ACOX3: variants seen among roughly 807,000 people sequenced by gnomAD.
ACOX3 encodes the protein peroxisomal acyl-coenzyme A oxidase 3.
Under a neutral mutation model 81.5 loss-of-function variants are expected in ACOX3, and 73 were observed. The ratio of observed to expected loss-of-function variants is 0.90; its 90% CI spans 0.74 to 1.09. The LOEUF is 1.09. ACOX3 is among the 50% of genes least tolerant of loss of function. The pLI is 0.00. For synonymous variants in ACOX3, 387 were observed against 375.1 expected (o/e 1.03, Z -0.37); for missense variants, 947 against 928.0 (o/e 1.02, Z -0.27).
intron 5 of ACOX3, among the ~76,000 whole-genome samples, chr4:8,412,798 C>T (rs1454082800): frequency 2.0e-5 from 3 of 151,980 alleles, no homozygotes; most frequent in Non-Finnish European, 2.9e-5. Context: ...AGGACCCTCC[C>T]CATCCTCCCT....
chr4:8,377,857 T>A (rs1188082607), intron 14 of ACOX3, among the ~76,000 whole-genome samples: 3 of 152,020 alleles, frequency 2.0e-5, no homozygotes, highest in African/African-American at 7.2e-5. Context: ...GGACAAAGTG[T>A]CCCCACAGCT....
chr4:8,372,963 C>T lies in ACOX3; in HGVS notation c.1896+598G>A, dbSNP rs375232405. 1.1e-4 allele frequency among the ~76,000 whole-genome samples: 16 copies of T among 152,322 alleles called. No individual in the cohort carries two copies. The East Asian group carries it at 2.9e-3, about 28-fold the overall frequency. On this transcript the variant is annotated intron_variant, in intron 16 of 17. Transcript: ENST00000356406. ...ACACAGCCGCCTTCCCCCAACCCAG[C>T]GGCTGCCGTGCTAAACAGCACAGCA...
At chr4:8,434,339 A>T (rs1159316371) in intron 1 of ACOX3, among the ~76,000 whole-genome samples, 2 of 152,142 alleles carry the variant, frequency 1.3e-5, no homozygotes, top group Non-Finnish European at 2.9e-5. Context: ...TTCTTCTTTA[A>T]TCCGGTGTCT....
At chr4:8,375,891 C>T (rs1298129502) in intron 14 of ACOX3, among the ~76,000 whole-genome samples, 1 of 152,194 alleles carries the variant, frequency 6.6e-6, no homozygotes, top group Non-Finnish European at 1.5e-5. Context: ...TCTATGTACC[C>T]CATTTTCTTT....
chr4:8,386,325 G>C lies in ACOX3; in HGVS notation c.1537+2848C>G, dbSNP rs1165548506. Reference sequence around the variant, plus strand: ...CTCATGCCTGTGATCCCAGCACTTCGGGAGGCCAAGGTGGGCGGATCACGA... The same window carrying C: ...CTCATGCCTGTGATCCCAGCACTTCCGGAGGCCAAGGTGGGCGGATCACGA... On this transcript the variant is annotated intron_variant, in intron 13 of 17. Coordinates refer to ENST00000356406, the MANE Select transcript of ACOX3 (RefSeq NM_003501.3). This position sits in a 1 kb window ranked among gnomAD's most constrained non-coding sequence, Gnocchi z 5.2. Among the ~76,000 whole-genome samples, 2 of 152,084 alleles carry C rather than the reference G, an allele frequency of 1.3e-5. No individual in the cohort carries two copies. The highest frequency in any genetic ancestry group is 2.4e-5 in the African/African-American group (1 of 41,410).
At position 8,381,520 on chromosome 4, in the gene ACOX3, C is replaced by G; in HGVS notation, c.1625G>C (p.Ser542Thr). The change falls in exon 14 of 18, where the codon AGT becomes ACT. Residue 542 changes from serine (S) to threonine (T), a missense_variant. Ser to Thr is a moderately conservative substitution (Grantham distance 58). Coordinates refer to ENST00000356406, the MANE Select transcript of ACOX3 (RefSeq NM_003501.3). This position sits in a 1 kb window ranked among gnomAD's most constrained non-coding sequence, Gnocchi z 4.3. ...KLNQEKRSGS[S>T]DFEARNKCQV... ...GCATTTGTTCCTTGCTTCAAAGTCA[C>G]TGCTTCCTGATCTTTTCTCTTGGTT... 1 of 1,613,984 alleles carries G rather than the reference C, an allele frequency of 6.2e-7. No individual in the cohort carries two copies. Among genetic ancestry groups the G allele is most frequent in the South Asian group, 1.1e-5 (1 of 91,042 alleles).
the ACOX3 span, chr4:8,358,197 C>T: frequency 6.6e-6 from 1 of 152,206 alleles, no homozygotes; most frequent in Non-Finnish European, 1.5e-5. Context: ...AGCTGTCTCT[C>T]ATGGGGGAAA....
chr4:8,422,336 T>C (rs1231431233), intron 1 of ACOX3, among the ~76,000 whole-genome samples: 5 of 152,212 alleles, frequency 3.3e-5, no homozygotes, highest in Admixed American at 1.3e-4. Context: ...TAATTGATAA[T>C]TGAAGGTCTT....
rs1487144265 is a variant in ACOX3, at chr4:8,400,355, CTG to C, written c.777-705_777-704del. Among the ~76,000 whole-genome samples the C allele has an allele frequency of 1.3e-5, 2 of 152,246 alleles. No homozygotes were observed. The highest frequency in any genetic ancestry group is 2.4e-5 in the African/African-American group (1 of 41,546). On this transcript the variant is annotated intron_variant, in intron 7 of 17. Transcript: ENST00000356406. This position sits in a 1 kb window ranked among gnomAD's most constrained non-coding sequence, Gnocchi z 4.4. ...AGATATTCAACAGAAAAGACGGGAACTGTGTTTCCAAAGATTGGAATCTCTGA... is the reference window on the plus strand; with the variant it reads ...AGATATTCAACAGAAAAGACGGGAACTGTTTCCAAAGATTGGAATCTCTGA...
At chr4:8,375,215 G>A in intron 14 of ACOX3, 63 bp from the exon 15 acceptor site, 3 of 1,452,386 alleles carry the variant, frequency 2.1e-6, no homozygotes, top group East Asian at 2.5e-5. Context: ...ATTCCCGGGG[G>A]AGGAAGTTCT....
Position 8,423,795 on chromosome 4 carries a change from G to C in ACOX3, c.-14-7260C>G, listed in dbSNP as rs1207067596. 1.3e-5 allele frequency among the ~76,000 whole-genome samples: 2 copies of C among 152,186 alleles called. No individual in the cohort carries two copies. The highest frequency in any genetic ancestry group is 4.8e-5 in the African/African-American group (2 of 41,440). ...TCTTGCTTGCCTTTGAAGATCCTTT[G>C]AATCTAATGTCTCAACACACCTGGA... On this transcript the variant is annotated intron_variant, in intron 1 of 17. Coordinates refer to ENST00000356406, the MANE Select transcript of ACOX3 (RefSeq NM_003501.3). This position sits in a 1 kb window ranked among gnomAD's most constrained non-coding sequence, Gnocchi z 4.2.
Sources: gnomAD v4.1 joint callset for allele counts (sites outside exome capture counted in the v4.1 genomes callset) on GRCh38, gnomAD v4.1.1 for gene constraint, Gnocchi (gnomAD v3.1) non-coding constraint, MANE v1.5 for transcripts, NCBI Gene and HGNC (gene_info 2026-07-23, HGNC 2026-07-21) for gene names.